The following BBX variants were observed in gnomAD, a reference collection of about 807,000 sequenced individuals.
BBX encodes BBX high mobility group box domain containing.
A neutral mutation model predicts 100.2 loss-of-function variants in BBX; 30 were observed. The ratio of observed to expected loss-of-function variants is 0.30; its 90% CI spans 0.22 to 0.41. The LOEUF is 0.41. Ranked by LOEUF, BBX falls within the 10% of genes least tolerant of loss-of-function variation. BBX has a pLI of 1.00. For synonymous variants in BBX, 376 were observed against 388.1 expected, an observed-to-expected ratio of 0.97 and a Z score of 0.37; for missense variants, 1,023 against 1,129.8, an observed-to-expected ratio of 0.91 and a Z score of 1.35.
At chr3:107,804,267 A>AG (rs1358563592) in intron 17 of BBX, among the ~76,000 whole-genome samples, 2 of 152,220 alleles carry the variant, frequency 1.3e-5, no homozygotes, top group Non-Finnish European at 2.9e-5. Context: ...GTTATAGAGC[A>AG]GGTACAAGCT....
At chr3:107,672,487 A>G (rs1463326350) in intron 3 of BBX, among the ~76,000 whole-genome samples, 4 of 152,052 alleles carry the variant, frequency 2.6e-5, no homozygotes, top group African/African-American at 7.2e-5. Flanking sequence ...GAAAGTGTGT[A>G]TTTTTGAAGC....
At chr3:107,737,906 T>G (rs1217725295) in intron 7 of BBX, among the ~76,000 whole-genome samples, 1 of 142,926 alleles carries the variant, frequency 7.0e-6, no homozygotes, top group Non-Finnish European at 1.5e-5. Flanking sequence ...TTTTTTTTTT[T>G]TTTTTTTTAA....
chr3:107,737,521 A>T (rs1353356816), intron 7 of BBX, among the ~76,000 whole-genome samples: 1 of 152,174 alleles, frequency 6.6e-6, no homozygotes, highest in African/African-American at 2.4e-5. Flanking sequence ...ACACCTCCAT[A>T]AAAGGACTGT....
chr3:107,617,202 T>G (rs930263283), intron 2 of BBX, among the ~76,000 whole-genome samples: 3 of 152,068 alleles, frequency 2.0e-5, no homozygotes, highest in Admixed American at 2.0e-4. Flanking sequence ...GCAGGCATAT[T>G]TGGTGGGTTT....
At chr3:107,724,499 T>A (rs1031065161) in intron 5 of BBX, among the ~76,000 whole-genome samples, 1 of 152,240 alleles carries the variant, frequency 6.6e-6, no homozygotes, top group Non-Finnish European at 1.5e-5. Context: ...ATGTCCTGAA[T>A]GCTATTGCCT....
At chr3:107,726,519 G>T (rs923952) in intron 5 of BBX, among the ~76,000 whole-genome samples, 31,659 of 151,838 alleles carry the variant, frequency 0.21, 5,348 homozygotes, top group African/African-American at 0.47. Context: ...TTAAGAATCT[G>T]CAAGAATAAT....
intron 10 of BBX, among the ~76,000 whole-genome samples, chr3:107,771,011 C>A (rs535457607): frequency 7.9e-5 from 12 of 152,220 alleles, no homozygotes; most frequent in African/African-American, 2.9e-4. Flanking sequence ...AGATCAGTTT[C>A]CTACTCATGT....
chr3:107,603,084 C>T (rs1224765579), intron 2 of BBX, among the ~76,000 whole-genome samples: 1 of 152,120 alleles, frequency 6.6e-6, no homozygotes, highest in Non-Finnish European at 1.5e-5. Flanking sequence ...CTGCCTCAGC[C>T]TCCCAAGTAG....
chr3:107,719,752 G>C (rs763654164), intron 5 of BBX, among the ~76,000 whole-genome samples: 1 of 152,022 alleles, frequency 6.6e-6, no homozygotes, highest in Non-Finnish European at 1.5e-5. Flanking sequence ...ATTTTTGAAT[G>C]TGTGACTGCC....
At chr3:107,531,173 T>G (rs1200084076) in intron 2 of BBX, among the ~76,000 whole-genome samples, 4 of 152,182 alleles carry the variant, frequency 2.6e-5, no homozygotes, top group Admixed American at 2.6e-4. Context: ...CTTTATGAGG[T>G]GTCTTGCATC....
In BBX at chr3:107,740,514, C is replaced by T. The variant is rs889422824; in HGVS notation, c.670-4116C>T. 3.3e-5 allele frequency among the ~76,000 whole-genome samples: 5 copies of T among 152,050 alleles called. No homozygotes were observed. The East Asian group carries it at 9.7e-4, about 29-fold the overall frequency. On this transcript the variant is annotated intron_variant, in intron 7 of 17. Transcript: ENST00000325805. The stretch of plus-strand genomic sequence containing the variant: ...GTCATCCCCAGACAGCGTCACCCTG[C>T]ACTCCACTGACAGAATTACCTGACT...
chr3:107,726,150 C>T (rs2062914964), intron 5 of BBX, among the ~76,000 whole-genome samples: 1 of 151,996 alleles, frequency 6.6e-6, no homozygotes, highest in Non-Finnish European at 1.5e-5. Flanking sequence ...AGTCTTCCCC[C>T]ATTTGTCCCT....
At chr3:107,749,061 G>C (rs888777843) in intron 9 of BBX, among the ~76,000 whole-genome samples, 1 of 151,620 alleles carries the variant, frequency 6.6e-6, no homozygotes, top group African/African-American at 2.4e-5. Context: ...TTATACCATC[G>C]GTTGGCCTGC....
At chr3:107,663,703 T>G (rs1250977795) in intron 3 of BBX, among the ~76,000 whole-genome samples, 1 of 152,186 alleles carries the variant, frequency 6.6e-6, no homozygotes, top group Non-Finnish European at 1.5e-5. Flanking sequence ...TCTTTGTAAT[T>G]CATTTATTGT....
intron 15 of BBX, among the ~76,000 whole-genome samples, chr3:107,793,745 C>A (rs1319646136): frequency 6.6e-6 from 1 of 152,100 alleles, no homozygotes; most frequent in Non-Finnish European, 1.5e-5. Context: ...AATATTGAGT[C>A]AACTGATGCT....
At chr3:107,757,645 A>G (rs1211469241) in intron 10 of BBX, among the ~76,000 whole-genome samples, 1 of 152,182 alleles carries the variant, frequency 6.6e-6, no homozygotes, top group Non-Finnish European at 1.5e-5. Context: ...CCAGTTTCTA[A>G]TTAAACTTAA....
intron 9 of BBX, among the ~76,000 whole-genome samples, chr3:107,754,383 C>T (rs1216508139): frequency 1.3e-5 from 2 of 152,106 alleles, no homozygotes; most frequent in African/African-American, 4.8e-5. Flanking sequence ...AAAGTTTGAG[C>T]CCCATAAATG....
At chr3:107,792,663 A>C (rs543487491) in intron 15 of BBX, among the ~76,000 whole-genome samples, 1 of 152,332 alleles carries the variant, frequency 6.6e-6, no homozygotes, top group South Asian at 2.1e-4. Flanking sequence ...TGCTGGCAAA[A>C]CAAAATATGA....
chr3:107,571,363 C>T (rs1387571358), intron 2 of BBX, among the ~76,000 whole-genome samples: 1 of 152,142 alleles, frequency 6.6e-6, no homozygotes, highest in Non-Finnish European at 1.5e-5. Context: ...GGCATCCCCG[C>T]AGTGGTTAAA....
Sources: allele counts gnomAD v4.1 joint callset (sites outside exome capture counted in the v4.1 genomes callset), GRCh38; gene constraint gnomAD v4.1.1; transcripts MANE v1.5; gene names NCBI Gene and HGNC (gene_info 2026-07-23, HGNC 2026-07-21).